PCDHGA2: variants seen among roughly 807,000 people sequenced by gnomAD.
PCDHGA2 encodes protocadherin gamma subfamily A, 2, also known as protocadherin gamma-A2.
PCDHGA2 carries 40 observed loss-of-function variants against 59.2 expected under a neutral mutation model. The ratio of observed to expected loss-of-function variants is 0.68; its 90% CI spans 0.52 to 0.88. The LOEUF (loss-of-function observed/expected upper bound fraction) is 0.88. Ranked by LOEUF, PCDHGA2 falls within the 40% of genes least tolerant of loss-of-function variation. The pLI, the probability that PCDHGA2 is intolerant of heterozygous loss-of-function variation, is 0.00. For synonymous variants in PCDHGA2, 560 were observed against 526.0 expected (o/e 1.06, Z -0.89); for missense variants, 1,226 against 1,204.0 (o/e 1.02, Z -0.27).
At chr5:141,428,226 C>A (rs2154552641) in intron 1 of PCDHGA2, 1 of 1,137,180 alleles carries the variant, frequency 8.8e-7, no homozygotes, top group South Asian at 1.3e-5. Flanking sequence ...TCTTCGCAGA[C>A]AGCCTGCAGG....
intron 1 of PCDHGA2, among the ~76,000 whole-genome samples, chr5:141,425,036 G>A (rs574813328): frequency 1.3e-5 from 2 of 152,238 alleles, no homozygotes; most frequent in East Asian, 3.9e-4. Context: ...GTCATTAGTT[G>A]TAAACTGACT....
intron 1 of PCDHGA2, chr5:141,346,381 A>G (rs571663206): frequency 6.2e-7 from 1 of 1,614,234 alleles, no homozygotes; most frequent in Admixed American, 1.7e-5. Context: ...ATCAGCCAGG[A>G]GAGCTGTGAG....
chr5:141,489,126 T>A lies in PCDHGA2; in HGVS notation c.2425-5681T>A. ...TGCAAGCAGGCAAACCTCCGAGCAGTTTTTAAGAGGCTGGAAGGAGACATA... is the reference window on the plus strand; with the variant it reads ...TGCAAGCAGGCAAACCTCCGAGCAGATTTTAAGAGGCTGGAAGGAGACATA... On this transcript the variant is annotated intron_variant, in intron 1 of 3. Transcript: ENST00000394576. This position sits in a 1 kb window ranked among gnomAD's most constrained non-coding sequence, Gnocchi z 4.5. 1.7e-6 allele frequency: 1 copy of A among 585,136 alleles called. No individual in the cohort carries two copies. Among genetic ancestry groups the A allele is most frequent in the Non-Finnish European group, 2.7e-6 (1 of 375,012 alleles). The allele number at this position is 585,136 out of a possible 1,614,324, so 36.2% of individuals were successfully genotyped here.
intron 3 of PCDHGA2, among the ~76,000 whole-genome samples, chr5:141,508,855 C>T (rs2099872444): frequency 6.6e-6 from 1 of 152,020 alleles, no homozygotes; most frequent in Non-Finnish European, 1.5e-5. Flanking sequence ...CATTCCCAGG[C>T]TGGGAAAGGC....
intron 1 of PCDHGA2, chr5:141,351,756 C>T: frequency 6.2e-7 from 1 of 1,613,612 alleles, no homozygotes. Flanking sequence ...GAGCTGTTGT[C>T]CTACGTGTCC....
intron 1 of PCDHGA2, chr5:141,384,591 C>T (rs1780246263): frequency 6.2e-7 from 1 of 1,614,114 alleles, no homozygotes; most frequent in South Asian, 1.1e-5. Flanking sequence ...AGATCCTGTA[C>T]CCGGCCCTCC....
intron 1 of PCDHGA2, chr5:141,394,255 G>A (rs1321065161): frequency 6.2e-7 from 1 of 1,613,934 alleles, no homozygotes; most frequent in South Asian, 1.1e-5. Flanking sequence ...GACCCCGACA[G>A]CCAGGAGAAT....
chr5:141,379,889 C>CTTTTTTTTTTTGTTTT (rs1775949907), intron 1 of PCDHGA2, among the ~76,000 whole-genome samples: 1 of 50,830 alleles, frequency 2.0e-5, no homozygotes, highest in Non-Finnish European at 3.9e-5. Flanking sequence ...GTGAAAGCCT[C>CTTTTTTTTTTTGTTTT]TTTTTTTTTT....
Position 141,489,407 on chromosome 5 carries a change from T to C in PCDHGA2, c.2425-5400T>C. On this transcript the variant is annotated intron_variant, in intron 1 of 3. Transcript: ENST00000394576. This position sits in a 1 kb window ranked among gnomAD's most constrained non-coding sequence, Gnocchi z 4.5. ...GTTGCTCAGGATCTGGGCTTAAAGA[T>C]GACAGATCTGTTGAGCCGGCGGCTG... 6.2e-7 allele frequency: 1 copy of C among 1,614,140 alleles called. No individual in the cohort carries two copies.
intron 1 of PCDHGA2, chr5:141,408,700 A>G (rs748315700): frequency 3.1e-6 from 5 of 1,613,470 alleles, no homozygotes; most frequent in Admixed American, 3.3e-5. Flanking sequence ...ACATAAACTC[A>G]ATTAAAGATT....
At chr5:141,483,955 G>A (rs1244162791) in intron 1 of PCDHGA2, among the ~76,000 whole-genome samples, 1 of 144,218 alleles carries the variant, frequency 6.9e-6, no homozygotes, top group African/African-American at 2.6e-5. Flanking sequence ...ATTGTGTTGT[G>A]TTTCTGTGCT....
At chr5:141,384,071 C>G in intron 1 of PCDHGA2, 2 of 1,603,192 alleles carry the variant, frequency 1.2e-6, no homozygotes, top group Non-Finnish European at 1.7e-6. Flanking sequence ...GAAAACCTAC[C>G]TTTTAAATTA....
At chr5:141,375,991 C>G in intron 1 of PCDHGA2, 1 of 1,613,448 alleles carries the variant, frequency 6.2e-7, no homozygotes, top group Non-Finnish European at 8.5e-7. Context: ...TGGACAGAGA[C>G]GCGCTCAAGC....
intron 1 of PCDHGA2, chr5:141,408,432 T>C (rs370073451): frequency 3.1e-6 from 5 of 1,613,972 alleles, no homozygotes; most frequent in Non-Finnish European, 4.2e-6. Flanking sequence ...CACTTCAGCG[T>C]AGACGCGGAG....
In PCDHGA2 at chr5:141,493,211, G is replaced by C. The variant is rs1312763933; in HGVS notation, c.2425-1596G>C. Reference sequence around the variant, plus strand: ...CTCCTTTGAGAACCTCATCTCATTTGCTCTTCCCACCATTGCTGTTGGCTA... The same window carrying C: ...CTCCTTTGAGAACCTCATCTCATTTCCTCTTCCCACCATTGCTGTTGGCTA... On this transcript the variant is annotated intron_variant, in intron 1 of 3. Transcript: ENST00000394576. The surrounding 1 kb of genome is among the most constrained non-coding windows in gnomAD (Gnocchi z 4.3). 6.6e-6 allele frequency among the ~76,000 whole-genome samples: 1 copy of C among 152,180 alleles called. No individual in the cohort carries two copies. The highest frequency in any genetic ancestry group is 2.4e-5 in the African/African-American group (1 of 41,436).
chr5:141,350,799 A>C (rs751350769), intron 1 of PCDHGA2: 5 of 1,614,018 alleles, frequency 3.1e-6, no homozygotes, highest in Non-Finnish European at 4.2e-6. Context: ...CTGTCAACGA[A>C]GGAAAGTCCT....
intron 1 of PCDHGA2, chr5:141,413,078 C>T: frequency 7.7e-7 from 1 of 1,301,152 alleles, no homozygotes; most frequent in Non-Finnish European, 1.1e-6. Flanking sequence ...AGTGCCCAGG[C>T]TACAGAGACA....
At chr5:141,346,410 A>C (rs1423837519) in intron 1 of PCDHGA2, 1 of 1,614,250 alleles carries the variant, frequency 6.2e-7, no homozygotes, top group Non-Finnish European at 8.5e-7. Flanking sequence ...GCCTCTTCTG[A>C]TAACTCAGGA....
In PCDHGA2 at chr5:141,489,088, G is replaced by GGCA; in HGVS notation, c.2425-5719_2425-5718insGCA. The GGCA allele has an allele frequency of 2.9e-6, 1 of 347,238 alleles. No individual in the cohort carries two copies. Among genetic ancestry groups the GGCA allele is most frequent in the Non-Finnish European group, 5.0e-6 (1 of 200,706 alleles). The allele number at this position is 347,238 out of a possible 1,614,324, so 21.5% of individuals were successfully genotyped here. A position where few individuals can be genotyped will look rare whatever the true frequency, so the allele number is the denominator to read the frequency against. The stretch of plus-strand genomic sequence containing the variant: ...CCCCTGCCCACCCCCGCCACTCGGT[G>GGCA]ACTAAGAACTGCTGCAAGCAGGCAA... On this transcript the variant is annotated intron_variant, in intron 1 of 3. Coordinates refer to ENST00000394576, the MANE Select transcript of PCDHGA2 (RefSeq NM_018915.4). This position sits in a 1 kb window ranked among gnomAD's most constrained non-coding sequence, Gnocchi z 4.5.
Sources: gnomAD v4.1 joint callset for allele counts (sites outside exome capture counted in the v4.1 genomes callset) on GRCh38, gnomAD v4.1.1 for gene constraint, Gnocchi (gnomAD v3.1) non-coding constraint, MANE v1.5 for transcripts, NCBI Gene and HGNC (gene_info 2026-07-23, HGNC 2026-07-21) for gene names.